The following ROR1 variants were observed in gnomAD, a reference collection of about 807,000 sequenced individuals.
The protein encoded by ROR1 is inactive tyrosine-protein kinase transmembrane receptor ROR1.
Under a neutral mutation model 78.8 loss-of-function variants are expected in ROR1, and 19 were observed. That is an observed-to-expected ratio of 0.24 (90% CI 0.17 to 0.35). The LOEUF (loss-of-function observed/expected upper bound fraction) is 0.35, where lower values mean the gene tolerates loss of function less well. ROR1 is among the 10% of genes least tolerant of loss of function. The pLI is 1.00. For missense variants in ROR1, 917 were observed against 1,177.8 expected (o/e 0.78, Z 3.24); for synonymous variants, 386 against 433.6 (o/e 0.89, Z 1.36).
chr1:64,079,333 A>G (rs1569699917), intron 4 of ROR1, among the ~76,000 whole-genome samples: 1 of 152,360 alleles, frequency 6.6e-6, no homozygotes, highest in Middle Eastern at 3.4e-3. Flanking sequence ...GGTATGCTTA[A>G]TTAGATGGCT....
intron 1 of ROR1, among the ~76,000 whole-genome samples, chr1:63,955,077 G>A (rs574605369): frequency 1.5e-4 from 23 of 152,182 alleles, no homozygotes; most frequent in Non-Finnish European, 2.9e-4. Flanking sequence ...GACAAGCAAA[G>A]TCTGGACTGC....
intron 1 of ROR1, among the ~76,000 whole-genome samples, chr1:63,869,528 C>T (rs1209522871): frequency 6.6e-6 from 1 of 152,206 alleles, no homozygotes; most frequent in Non-Finnish European, 1.5e-5. Context: ...AGGAAGCCCT[C>T]ACCACAAACC....
intron 4 of ROR1, among the ~76,000 whole-genome samples, chr1:64,093,968 C>A (rs1381200020): frequency 1.3e-5 from 2 of 152,156 alleles, no homozygotes; most frequent in African/African-American, 4.8e-5. Flanking sequence ...ATCACTTATC[C>A]AGTGAAACTC....
chr1:64,068,298 T>G (rs902675936), intron 4 of ROR1, among the ~76,000 whole-genome samples: 1 of 152,210 alleles, frequency 6.6e-6, no homozygotes, highest in African/African-American at 2.4e-5. Context: ...TTTGTTCATA[T>G]GCAACATAGT....
intron 4 of ROR1, among the ~76,000 whole-genome samples, chr1:64,088,597 G>T (rs1271156103): frequency 7.5e-6 from 1 of 133,962 alleles, no homozygotes; most frequent in Non-Finnish European, 1.6e-5. Context: ...ATGGGGCGGG[G>T]GGGTCGGGGC....
chr1:63,799,626 C>A (rs1557502451), intron 1 of ROR1, among the ~76,000 whole-genome samples: 1 of 145,622 alleles, frequency 6.9e-6, no homozygotes, highest in African/African-American at 2.8e-5. Context: ...AAAAAAAACA[C>A]CCATTTTTCC....
intron 4 of ROR1, among the ~76,000 whole-genome samples, chr1:64,057,280 GT>G (rs1646882667): frequency 2.0e-5 from 3 of 152,190 alleles, no homozygotes; most frequent in South Asian, 4.1e-4. Context: ...CCATTGAATT[GT>G]CTTGGCACTC....
At chr1:64,137,538 T>C in intron 5 of ROR1, 42 bp downstream of exon 5, 1 of 1,587,936 alleles carries the variant, frequency 6.3e-7, no homozygotes, top group Non-Finnish European at 8.6e-7. Context: ...CTTGAATAAC[T>C]ATTTTTCTCG....
intron 1 of ROR1, among the ~76,000 whole-genome samples, chr1:63,827,308 T>C (rs957377430): frequency 6.6e-6 from 1 of 152,202 alleles, no homozygotes; most frequent in Non-Finnish European, 1.5e-5. Context: ...CATTTGTCAA[T>C]TTTTGCTTTG....
At chr1:63,978,799 T>C (rs1186086556) in intron 1 of ROR1, among the ~76,000 whole-genome samples, 2 of 152,102 alleles carry the variant, frequency 1.3e-5, no homozygotes, top group East Asian at 1.9e-4. Context: ...ACAGAACCAA[T>C]ATATATAAAG....
chr1:64,050,533 T>A (rs1260239527), intron 3 of ROR1, among the ~76,000 whole-genome samples, 153 bp from the exon 4 acceptor site: 3 of 151,476 alleles, frequency 2.0e-5, no homozygotes, highest in African/African-American at 7.3e-5. Context: ...ATAGAGATGG[T>A]TGGGGGAATA....
intron 1 of ROR1, among the ~76,000 whole-genome samples, chr1:63,869,239 T>A (rs1260650986): frequency 6.6e-6 from 1 of 152,218 alleles, no homozygotes; most frequent in Non-Finnish European, 1.5e-5. Context: ...CCCTCGACAA[T>A]GATTATGGCA....
intron 1 of ROR1, among the ~76,000 whole-genome samples, chr1:63,950,071 A>C (rs1645922971): frequency 6.6e-6 from 1 of 152,126 alleles, no homozygotes; most frequent in African/African-American, 2.4e-5. Context: ...AACACAGGGA[A>C]TGTCCTGATA....
intron 1 of ROR1, among the ~76,000 whole-genome samples, chr1:63,874,310 T>C (rs1268598068): frequency 6.6e-6 from 1 of 152,086 alleles, no homozygotes; most frequent in Non-Finnish European, 1.5e-5. Flanking sequence ...CATTTAAGAC[T>C]TTTTTTTCCT....
At chr1:64,063,621 T>C (rs1279834504) in intron 4 of ROR1, among the ~76,000 whole-genome samples, 2 of 146,144 alleles carry the variant, frequency 1.4e-5, no homozygotes, top group Non-Finnish European at 3.0e-5. Flanking sequence ...TCTATGTCTC[T>C]TTCTCTGTCT....
chr1:64,161,620 C>G (rs546584367), intron 8 of ROR1, among the ~76,000 whole-genome samples: 50 of 152,278 alleles, frequency 3.3e-4, no homozygotes, highest in African/African-American at 1.2e-3. Flanking sequence ...TTCCCAGAGA[C>G]TGGGTGAAGT....
intron 4 of ROR1, among the ~76,000 whole-genome samples, chr1:64,102,023 A>C (rs998527906): frequency 6.6e-6 from 1 of 152,186 alleles, no homozygotes; most frequent in Admixed American, 6.5e-5. Flanking sequence ...GCTGGTCCCC[A>C]TTAATAACTA....
intron 1 of ROR1, among the ~76,000 whole-genome samples, chr1:63,776,760 G>T (rs1464674178): frequency 6.6e-6 from 1 of 151,982 alleles, no homozygotes; most frequent in East Asian, 1.9e-4. Context: ...ATATGAGAGG[G>T]TCTGTCTCTC....
At chr1:63,959,172 A>T (rs541660636) in intron 1 of ROR1, among the ~76,000 whole-genome samples, 1 of 152,334 alleles carries the variant, frequency 6.6e-6, no homozygotes, top group East Asian at 1.9e-4. Context: ...AGAAGAATGA[A>T]CAAAAGGGGG....
Sources: allele counts gnomAD v4.1 joint callset (sites outside exome capture counted in the v4.1 genomes callset), GRCh38; gene constraint gnomAD v4.1.1; transcripts MANE v1.5; gene names NCBI Gene and HGNC (gene_info 2026-07-23, HGNC 2026-07-21).